PMEPA1: variants seen among roughly 807,000 people sequenced by gnomAD.
The protein encoded by PMEPA1 is protein TMEPAI.
PMEPA1 carries 11 observed loss-of-function variants against 23.0 expected under a neutral mutation model. That is an observed-to-expected ratio of 0.48 (90% CI 0.30 to 0.79). The LOEUF (loss-of-function observed/expected upper bound fraction) is 0.79, where lower values mean the gene tolerates loss of function less well. Among genes scored for constraint, PMEPA1 ranks in the 30% least tolerant of loss-of-function variants. The pLI is 0.06. For missense variants in PMEPA1, 377 were observed against 390.9 expected (o/e 0.96, Z 0.30); for synonymous variants, 204 against 166.4 (o/e 1.23, Z -1.74).
intron 1 of PMEPA1, among the ~76,000 whole-genome samples, chr20:57,660,024 C>G (rs1389787737): frequency 1.3e-5 from 2 of 152,204 alleles, no homozygotes; most frequent in African/African-American, 4.8e-5. Flanking sequence ...TCTCTGCTCT[C>G]AGAGCCTCCT....
At chr20:57,688,743 T>C (rs1348867533) in intron 1 of PMEPA1, among the ~76,000 whole-genome samples, 1 of 152,186 alleles carries the variant, frequency 6.6e-6, no homozygotes, top group Admixed American at 6.5e-5. Context: ...AGGCAAACAC[T>C]AAGCCTAGAG....
intron 1 of PMEPA1, among the ~76,000 whole-genome samples, chr20:57,707,638 A>G (rs2072107439): frequency 6.6e-6 from 1 of 150,862 alleles, no homozygotes; most frequent in East Asian, 1.9e-4. Flanking sequence ...CAGAAATAAG[A>G]ACAATGCTTT....
intron 1 of PMEPA1, among the ~76,000 whole-genome samples, chr20:57,672,476 C>T (rs1407301165): frequency 3.3e-5 from 5 of 152,276 alleles, no homozygotes; most frequent in Non-Finnish European, 7.3e-5. Flanking sequence ...GGTATTTAGC[C>T]GCTTCTCAAT....
At chr20:57,710,658 G>T (rs2072168155), upstream of PMEPA1, 1 of 542,734 alleles carries the variant, frequency 1.8e-6, no homozygotes, top group African/African-American at 2.0e-5. Context: ...CGCCCCAGCC[G>T]GCGGGACCTG....
chr20:57,675,857 T>G (rs556443324), intron 1 of PMEPA1, among the ~76,000 whole-genome samples: 1 of 152,350 alleles, frequency 6.6e-6, no homozygotes, highest in African/African-American at 2.4e-5. Flanking sequence ...CGTTGAGTCT[T>G]TCCCTGTGTC....
chr20:57,681,582 A>G (rs1027533705), intron 1 of PMEPA1, among the ~76,000 whole-genome samples: 9 of 152,300 alleles, frequency 5.9e-5, no homozygotes, highest in African/African-American at 2.2e-4. Flanking sequence ...TTTTTAATTT[A>G]GCAACCATTG....
rs543841754 is a variant in PMEPA1, at chr20:57,682,561, C to G, written c.110-22864G>C. ...TGCTGAATGCTACAGAGCAGGCTCC[C>G]GTGCCCACCGCCCCACACCTGGAAG... On this transcript the variant is annotated intron_variant, in intron 1 of 3. Coordinates refer to ENST00000341744, the MANE Select transcript of PMEPA1 (RefSeq NM_020182.5). The surrounding 1 kb of genome is among the most constrained non-coding windows in gnomAD (Gnocchi z 4.4). Among the ~76,000 whole-genome samples the G allele has an allele frequency of 1.3e-5, 2 of 152,092 alleles. No homozygotes were observed. Among genetic ancestry groups the G allele is most frequent in the Non-Finnish European group, 2.9e-5 (2 of 68,014 alleles).
rs940688586 is a variant in PMEPA1 at position 57,655,950 on chromosome 20, G to A, written c.265-2864C>T. ...CTCGAAAACACTTCATTCACACTCA[G>A]AAAAGACCTCATTGACAAAACCAGG... On this transcript the variant is annotated intron_variant, in intron 2 of 3. Coordinates refer to ENST00000341744, the MANE Select transcript of PMEPA1 (RefSeq NM_020182.5). This position sits in a 1 kb window ranked among gnomAD's most constrained non-coding sequence, Gnocchi z 4.2. 1.3e-5 allele frequency among the ~76,000 whole-genome samples: 2 copies of A among 151,974 alleles called. No individual in the cohort carries two copies. The highest frequency in any genetic ancestry group is 2.9e-5 in the Non-Finnish European group (2 of 67,994).
chr20:57,658,658 A>AT, intron 2 of PMEPA1, among the ~76,000 whole-genome samples: 1 of 152,170 alleles, frequency 6.6e-6, no homozygotes. Context: ...CTGAAGCCCC[A>AT]TTTTGTAGAT....
upstream of PMEPA1, chr20:57,710,565 G>C: frequency 8.2e-7 from 1 of 1,214,696 alleles, no homozygotes; most frequent in Non-Finnish European, 1.2e-6. Flanking sequence ...CAAGGAGGAC[G>C]ACCAGGAAAG....
In PMEPA1 at chr20:57,652,179, G is replaced by C; in HGVS notation, c.738C>G (p.His246Gln). 1 of 1,609,350 alleles carries C rather than the reference G, an allele frequency of 6.2e-7. No individual in the cohort carries two copies. Among genetic ancestry groups the C allele is most frequent in the Non-Finnish European group, 8.5e-7 (1 of 1,178,462 alleles). ...IGHYPGSSFQ[H>Q]QQSSGPPSLL... The stretch of plus-strand genomic sequence containing the variant: ...AGGAGGGCGGCCCACTGCTCTGCTG[G>C]TGCTGGAAGGAGGACCCCGGGTAGT... The change falls in exon 4 of 4, where the codon CAC becomes CAG. Residue 246 changes from histidine to glutamine, a missense_variant. His to Gln is a conservative substitution (Grantham distance 24). This residue lies in a region of PMEPA1 where 176 missense variants were observed against 173.0 expected (regional missense o/e 1.02). Transcript: ENST00000341744. This position sits in a 1 kb window ranked among gnomAD's most constrained non-coding sequence, Gnocchi z 6.1.
rs1157281570 is a variant in PMEPA1 at position 57,655,819 on chromosome 20, A to C, written c.265-2733T>G. On this transcript the variant is annotated intron_variant, in intron 2 of 3. Transcript: ENST00000341744. This position sits in a 1 kb window ranked among gnomAD's most constrained non-coding sequence, Gnocchi z 4.2. Reference sequence around the variant, plus strand: ...GACCAAGGGTCTGAAAACTGTTTCCATAAAGAGCCAGAGAGTAAAATATTT... The same window carrying C: ...GACCAAGGGTCTGAAAACTGTTTCCCTAAAGAGCCAGAGAGTAAAATATTT... Among the ~76,000 whole-genome samples the C allele has an allele frequency of 1.3e-5, 2 of 152,206 alleles. No homozygotes were observed. Among genetic ancestry groups the C allele is most frequent in the Non-Finnish European group, 2.9e-5 (2 of 68,024 alleles).
intron 1 of PMEPA1, among the ~76,000 whole-genome samples, chr20:57,695,481 T>G (rs2071932620): frequency 6.6e-6 from 1 of 152,234 alleles, no homozygotes; most frequent in African/African-American, 2.4e-5. Flanking sequence ...GCTTGGCCCT[T>G]TCACAATCCG....
chr20:57,705,190 T>A (rs1030692493), intron 1 of PMEPA1, among the ~76,000 whole-genome samples: 4 of 152,226 alleles, frequency 2.6e-5, no homozygotes, highest in African/African-American at 9.6e-5. Context: ...GGCGCGTGTG[T>A]GTTTGTACAG....
chr20:57,664,108 C>G (rs1016145992), intron 1 of PMEPA1, among the ~76,000 whole-genome samples: 1 of 152,196 alleles, frequency 6.6e-6, no homozygotes, highest in South Asian at 2.1e-4. Context: ...CGAGGTCGGT[C>G]GCAAACCAGA....
chr20:57,690,753 G>A (rs1373076284), intron 1 of PMEPA1: 3 of 336,544 alleles, frequency 8.9e-6, no homozygotes, highest in African/African-American at 6.4e-5. Context: ...CCTGCCGGAA[G>A]TCTGGGGTGG....
At chr20:57,654,987 C>T (rs1053941346) in intron 2 of PMEPA1, among the ~76,000 whole-genome samples, 2 of 151,886 alleles carry the variant, frequency 1.3e-5, no homozygotes, top group Non-Finnish European at 2.9e-5. Flanking sequence ...CCGTCTGGGC[C>T]CCCCGCTGCC....
At chr20:57,688,252 G>C (rs747666350) in intron 1 of PMEPA1, among the ~76,000 whole-genome samples, 2 of 152,180 alleles carry the variant, frequency 1.3e-5, no homozygotes, top group African/African-American at 2.4e-5. Flanking sequence ...ATTATGCAGG[G>C]AGCAAGTTGG....
chr20:57,670,628 T>C (rs1299945654), intron 1 of PMEPA1, among the ~76,000 whole-genome samples: 3 of 152,158 alleles, frequency 2.0e-5, no homozygotes, highest in Non-Finnish European at 4.4e-5. Context: ...CCCCCTGCCC[T>C]ATGGTCTGAG....
Sources: gnomAD v4.1 joint callset for allele counts (sites outside exome capture counted in the v4.1 genomes callset) on GRCh38, gnomAD v4.1.1 for gene constraint, gnomAD v4.1.1 regional missense constraint, Gnocchi (gnomAD v3.1) non-coding constraint, MANE v1.5 for transcripts, NCBI Gene and HGNC (gene_info 2026-07-23, HGNC 2026-07-21) for gene names.